Variants in PRKN observed in about 807,000 individuals in gnomAD.
PRKN encodes the protein E3 ubiquitin-protein ligase parkin.
In PRKN, 56 loss-of-function variants were observed where a neutral mutation model predicts 59.5. The observed-to-expected ratio is 0.94, with a 90% confidence interval of 0.76 to 1.18. The LOEUF (loss-of-function observed/expected upper bound fraction) is 1.18. Ranked by LOEUF, PRKN falls within the 50% of genes most tolerant of loss-of-function variation. PRKN has a pLI of 0.00. For synonymous variants in PRKN, 250 were observed against 222.1 expected (o/e 1.13, Z -1.12); for missense variants, 657 against 596.4 (o/e 1.10, Z -1.06).
At chr6:161,556,555 G>A (rs920257541) in intron 8 of PRKN, among the ~76,000 whole-genome samples, 8 of 152,114 alleles carry the variant, frequency 5.3e-5, no homozygotes, top group Non-Finnish European at 7.4e-5. Flanking sequence ...AGTTGAAAGC[G>A]CATTAATGGA....
intron 4 of PRKN, among the ~76,000 whole-genome samples, chr6:162,116,468 G>A (rs1780677303): frequency 6.6e-6 from 1 of 152,162 alleles, no homozygotes; most frequent in Non-Finnish European, 1.5e-5. Flanking sequence ...AAAGAAGATG[G>A]CTGAGCCCTG....
intron 4 of PRKN, among the ~76,000 whole-genome samples, chr6:162,125,736 A>C (rs1311899398): frequency 6.6e-6 from 1 of 152,158 alleles, no homozygotes; most frequent in Non-Finnish European, 1.5e-5. Flanking sequence ...AGCTGGTGGC[A>C]ATTTTCAAAC....
At position 161,400,991 on chromosome 6, in the gene PRKN, T is replaced by C. The variant is rs117127133; in HGVS notation, c.1084-14114A>G. Among the ~76,000 whole-genome samples, 4 of 152,280 alleles carry C rather than the reference T, an allele frequency of 2.6e-5. No individual in the cohort carries two copies. In the East Asian group the frequency reaches 7.7e-4, roughly 29 times the overall value. On this transcript the variant is annotated intron_variant, in intron 9 of 11. Coordinates refer to ENST00000366898, the MANE Select transcript of PRKN (RefSeq NM_004562.3). This position sits in a 1 kb window ranked among gnomAD's most constrained non-coding sequence, Gnocchi z 4.2. The stretch of plus-strand genomic sequence containing the variant: ...TCAAGGGGAAGACTGTTGATCAGAG[T>C]ACACTGCAAACAAACATCTGTTTCT...
intron 1 of PRKN, among the ~76,000 whole-genome samples, chr6:162,702,750 A>G (rs1293770733): frequency 6.6e-6 from 1 of 152,202 alleles, no homozygotes; most frequent in African/African-American, 2.4e-5. Flanking sequence ...GATGAAATGA[A>G]TAGTTTTAAA....
chr6:162,661,243 A>G (rs1406458554), intron 1 of PRKN, among the ~76,000 whole-genome samples: 3 of 152,130 alleles, frequency 2.0e-5, no homozygotes, highest in African/African-American at 7.2e-5. Context: ...CCTGGGCAAC[A>G]AGAATGAAAC....
intron 4 of PRKN, among the ~76,000 whole-genome samples, chr6:162,083,709 C>CT (rs908015698): frequency 1.6e-5 from 1 of 62,950 alleles, no homozygotes; most frequent in African/African-American, 9.1e-5. Context: ...TCACAATCCA[C>CT]TTATCAATTA....
At position 161,360,059 on chromosome 6, in the gene PRKN, T is replaced by C. The variant is rs1470697332; in HGVS notation, c.1285+29A>G. 1 of 1,470,932 alleles carries C rather than the reference T, an allele frequency of 6.8e-7. No individual in the cohort carries two copies. 91.1% of individuals were successfully genotyped at this position (1,470,932 alleles called of 1,614,324 possible). A position where few individuals can be genotyped will look rare whatever the true frequency, so the allele number is the denominator to read the frequency against. On this transcript the variant is annotated intron_variant, in intron 11 of 11. Transcript: ENST00000366898. This position sits in a 1 kb window ranked among gnomAD's most constrained non-coding sequence, Gnocchi z 5.1. ...ATTCTCCCCCAAAGAGCACACGACA[T>C]CCTCATTCTCTGCTCAGCACAGACT... is the stretch of plus-strand genomic sequence containing the variant.
intron 7 of PRKN, among the ~76,000 whole-genome samples, chr6:161,702,400 C>T (rs1416243830): frequency 1.3e-5 from 2 of 152,122 alleles, no homozygotes; most frequent in East Asian, 3.9e-4. Context: ...ACAAATGGAC[C>T]TTAAAGACTA....
rs781107968 is a variant in PRKN at position 161,552,136 on chromosome 6, A to G, written c.934-3133T>C. 2.6e-5 allele frequency among the ~76,000 whole-genome samples: 4 copies of G among 152,248 alleles called. No individual in the cohort carries two copies. The highest frequency in any genetic ancestry group is 6.5e-5 in the Admixed American group (1 of 15,288). ...TGAATTTAAAGGAAAACTCGTGAGC[A>G]GAGTCTTCTGTTTCTCTGCACCAAC... is the stretch of plus-strand genomic sequence containing the variant. On this transcript the variant is annotated intron_variant, in intron 8 of 11. Transcript: ENST00000366898. The surrounding 1 kb of genome is among the most constrained non-coding windows in gnomAD (Gnocchi z 4.9).
At chr6:162,566,304 T>C (rs1050170487) in intron 1 of PRKN, among the ~76,000 whole-genome samples, 2 of 141,352 alleles carry the variant, frequency 1.4e-5, no homozygotes, top group East Asian at 4.1e-4. Flanking sequence ...CAGAAATAAA[T>C]AAATTGAAAT....
Position 162,163,226 on chromosome 6 carries a change from C to T in PRKN, c.534+37905G>A, listed in dbSNP as rs892671575. On this transcript the variant is annotated intron_variant, in intron 4 of 11. Coordinates refer to ENST00000366898, the MANE Select transcript of PRKN (RefSeq NM_004562.3). ...TGTATAGAATAGGTTATCAATTTTA[C>T]GTCTGTGTTAAGGACAGGAATCACA... Among the ~76,000 whole-genome samples the T allele has an allele frequency of 2.0e-5, 3 of 149,014 alleles. 1 individual carries two copies. The highest frequency in any genetic ancestry group is 7.6e-5 in the African/African-American group (3 of 39,568).
At position 161,545,138 on chromosome 6, in the gene PRKN, G is replaced by A. The variant is rs775875327; in HGVS notation, c.1083+3716C>T. ...TTTGGTTTTCAACTTTTTTATACGC[G>A]ATTTTTTTTGTAACAGCTAACATTT... On this transcript the variant is annotated intron_variant, in intron 9 of 11. Transcript: ENST00000366898. The surrounding 1 kb of genome is among the most constrained non-coding windows in gnomAD (Gnocchi z 4.1). 11 of 1,279,414 alleles carry A rather than the reference G, an allele frequency of 8.6e-6. No individual in the cohort carries two copies. The highest frequency in any genetic ancestry group is 7.6e-5 in the Admixed American group (2 of 26,200). 79.3% of individuals were successfully genotyped at this position (1,279,414 alleles called of 1,614,324 possible). A position where few individuals can be genotyped will look rare whatever the true frequency, so the allele number is the denominator to read the frequency against.
chr6:162,236,281 C>T lies in PRKN; in HGVS notation c.412+26244G>A, dbSNP rs184874439. Among the ~76,000 whole-genome samples, 8 of 152,258 alleles carry T rather than the reference C, an allele frequency of 5.3e-5. No homozygotes were observed. In the East Asian group the frequency reaches 1.4e-3, roughly 26 times the overall value. ...ACAATGATTAGCTGGATTGCTTGTCCCTACTGATGAATCAGAAATGCTTAT... is the reference window on the plus strand; with the variant it reads ...ACAATGATTAGCTGGATTGCTTGTCTCTACTGATGAATCAGAAATGCTTAT... On this transcript the variant is annotated intron_variant, in intron 3 of 11. Coordinates refer to ENST00000366898, the MANE Select transcript of PRKN (RefSeq NM_004562.3).
intron 6 of PRKN, 135 bp downstream of exon 6, chr6:161,973,167 C>A (rs879016513): frequency 7.1e-5 from 50 of 700,654 alleles, no homozygotes; most frequent in Non-Finnish European, 9.4e-5. Flanking sequence ...CAGACACTCC[C>A]CAGGAAAGAG....
At chr6:161,723,290 T>C (rs985911866) in intron 7 of PRKN, among the ~76,000 whole-genome samples, 2 of 151,890 alleles carry the variant, frequency 1.3e-5, no homozygotes, top group African/African-American at 4.8e-5. Flanking sequence ...AAAGTGCATG[T>C]CTACATGATT....
intron 5 of PRKN, among the ~76,000 whole-genome samples, chr6:161,987,031 G>C (rs1206968749): frequency 6.6e-6 from 1 of 152,144 alleles, no homozygotes; most frequent in African/African-American, 2.4e-5. Flanking sequence ...TTAGCAAGTA[G>C]AATTTAAAGC....
At chr6:162,179,731 T>G (rs1783704782) in intron 4 of PRKN, among the ~76,000 whole-genome samples, 1 of 152,194 alleles carries the variant, frequency 6.6e-6, no homozygotes, top group African/African-American at 2.4e-5. Flanking sequence ...AGTCACCACC[T>G]ACTTAGTTCC....
rs1783805911 is a variant in PRKN at position 162,035,537 on chromosome 6, CTGATT to C, written c.618+18549_618+18553del. On this transcript the variant is annotated intron_variant, in intron 5 of 11. Coordinates refer to ENST00000366898, the MANE Select transcript of PRKN (RefSeq NM_004562.3). ...ACTTAGGTGTTAAAAATAAGTCCAT[CTGATT>C]TATTTTCAAACTTCATAAAAAATTA... Among the ~76,000 whole-genome samples the C allele has an allele frequency of 3.3e-5, 5 of 152,268 alleles. No homozygotes were observed. The South Asian group carries it at 8.3e-4, about 25-fold the overall frequency.
intron 9 of PRKN, among the ~76,000 whole-genome samples, chr6:161,523,104 C>T (rs942902223): frequency 6.6e-6 from 1 of 152,070 alleles, no homozygotes; most frequent in Middle Eastern, 3.4e-3. Context: ...TGTTTTGGTA[C>T]ATACTTTAAT....
Sources: allele counts gnomAD v4.1 joint callset (sites outside exome capture counted in the v4.1 genomes callset), GRCh38; gene constraint gnomAD v4.1.1; non-coding constraint Gnocchi (gnomAD v3.1); transcripts MANE v1.5; gene names NCBI Gene and HGNC (gene_info 2026-07-23, HGNC 2026-07-21).